The following NEK11 variants were observed in gnomAD, a reference collection of about 807,000 sequenced individuals.
The protein encoded by NEK11 is NIMA related kinase 11, also known as serine/threonine-protein kinase Nek11.
Under a neutral mutation model 80.7 loss-of-function variants are expected in NEK11, and 72 were observed. That is an observed-to-expected ratio of 0.89 (90% CI 0.74 to 1.08). NEK11 has a LOEUF of 1.08. Among genes scored for constraint, NEK11 ranks in the 50% least tolerant of loss-of-function variants. The pLI is 0.00. For synonymous variants in NEK11, 251 were observed against 260.7 expected (o/e 0.96, Z 0.36); for missense variants, 764 against 763.6 (o/e 1.00, Z -0.01).
At chr3:131,247,887 G>T (rs2095631370) in intron 16 of NEK11, among the ~76,000 whole-genome samples, 2 of 148,056 alleles carry the variant, frequency 1.4e-5, no homozygotes. Flanking sequence ...TTCTTGATTT[G>T]GTTCTTAATG....
At chr3:131,042,295 A>G (rs1297393133) in intron 3 of NEK11, among the ~76,000 whole-genome samples, 2 of 151,990 alleles carry the variant, frequency 1.3e-5, no homozygotes. Context: ...GGCTGAAGCC[A>G]GGGAGCCAAG....
chr3:131,249,913 G>T lies in NEK11; in HGVS notation c.1621+6417G>T, dbSNP rs545358907. ...AAATCTAACCAAAAAGAGAAATCAA[G>T]ACAAAAATATACAAAGAACTCAGGA... is the stretch of plus-strand genomic sequence containing the variant. On this transcript the variant is annotated intron_variant, in intron 16 of 17. Transcript: ENST00000383366. Among the ~76,000 whole-genome samples, 5 of 151,726 alleles carry T rather than the reference G, an allele frequency of 3.3e-5. No individual in the cohort carries two copies. In the East Asian group the frequency reaches 7.8e-4, roughly 24 times the overall value.
At chr3:131,215,246 G>T (rs2094783776) in intron 14 of NEK11, among the ~76,000 whole-genome samples, 1 of 145,728 alleles carries the variant, frequency 6.9e-6, no homozygotes, top group Non-Finnish European at 1.5e-5. Flanking sequence ...TCACAGGAAG[G>T]GGAACATCAC....
intron 14 of NEK11, among the ~76,000 whole-genome samples, chr3:131,224,929 T>A (rs941392463): frequency 5.9e-5 from 9 of 152,082 alleles, no homozygotes; most frequent in African/African-American, 2.2e-4. Flanking sequence ...TACAATAGAG[T>A]CAAGAAGTTT....
chr3:131,335,915 T>C lies in NEK11; in HGVS notation c.1719-13642T>C, dbSNP rs1471046896. ...ACCTAGGAATCCAACTTACAAGGGA[T>C]GTGAAGGACCTCTTCAAGGAGAACT... is the stretch of plus-strand genomic sequence containing the variant. On this transcript the variant is annotated intron_variant, in intron 17 of 17. Coordinates refer to ENST00000383366, the MANE Select transcript of NEK11 (RefSeq NM_024800.5). 3.5e-4 allele frequency among the ~76,000 whole-genome samples: 54 copies of C among 152,130 alleles called. 2 individuals carry two copies. The highest frequency in any genetic ancestry group is 3.4e-3 in the Middle Eastern group (1 of 294).
intron 5 of NEK11, among the ~76,000 whole-genome samples, chr3:131,115,907 TTTCTTTCTTTCTTTC>T (rs1230004555): frequency 8.9e-4 from 25 of 28,004 alleles, no homozygotes; most frequent in Non-Finnish European, 1.3e-3. Flanking sequence ...TAGTGTTTTC[TTTCTTTCTTTCTTTC>T]TTTCTTTCTT....
chr3:131,201,659 T>C (rs972165428), intron 14 of NEK11, among the ~76,000 whole-genome samples: 2 of 152,258 alleles, frequency 1.3e-5, no homozygotes, highest in East Asian at 1.9e-4. Context: ...TGAGAGTTTA[T>C]CATGAGTGGA....
intron 16 of NEK11, among the ~76,000 whole-genome samples, chr3:131,272,537 G>A (rs779117448): frequency 1.2e-4 from 16 of 135,844 alleles, no homozygotes; most frequent in Non-Finnish European, 2.1e-4. Flanking sequence ...GTGCCGTGGT[G>A]CGATCTGAGC....
chr3:131,336,798 G>C (rs2097192830), intron 17 of NEK11, among the ~76,000 whole-genome samples: 1 of 152,100 alleles, frequency 6.6e-6, no homozygotes, highest in Non-Finnish European at 1.5e-5. Context: ...TCAAAAAGTG[G>C]GTGAAGGACA....
chr3:131,214,695 A>G (rs200588892), intron 14 of NEK11, among the ~76,000 whole-genome samples: 13 of 147,664 alleles, frequency 8.8e-5, no homozygotes, highest in Admixed American at 2.7e-4. Flanking sequence ...ATGTGCGTGC[A>G]TGTGTGTGTG....
intron 4 of NEK11, among the ~76,000 whole-genome samples, chr3:131,082,358 A>G (rs1004883618): frequency 1.3e-5 from 2 of 152,252 alleles, no homozygotes; most frequent in Non-Finnish European, 2.9e-5. Flanking sequence ...CATACTGCTT[A>G]TAACTATTAC....
intron 4 of NEK11, among the ~76,000 whole-genome samples, chr3:131,086,139 T>C (rs1309651626): frequency 6.6e-6 from 1 of 152,208 alleles, no homozygotes; most frequent in Non-Finnish European, 1.5e-5. Context: ...TTTGATCACT[T>C]GGTTAAGGTT....
At chr3:131,162,626 A>G (rs960521189) in intron 11 of NEK11, 99 bp downstream of exon 11, 10 of 1,317,148 alleles carry the variant, frequency 7.6e-6, no homozygotes, top group Admixed American at 2.1e-5. Flanking sequence ...GGAAACCCCA[A>G]TGCATACGAT....
chr3:131,179,592 A>G (rs189147083), intron 14 of NEK11, among the ~76,000 whole-genome samples: 1 of 152,336 alleles, frequency 6.6e-6, no homozygotes, highest in Admixed American at 6.5e-5. Context: ...AATGTATTAT[A>G]AATAGAAATT....
At chr3:131,181,464 T>C (rs572181941) in intron 14 of NEK11, among the ~76,000 whole-genome samples, 1 of 152,180 alleles carries the variant, frequency 6.6e-6, no homozygotes, top group African/African-American at 2.4e-5. Context: ...AACTTTGTGT[T>C]GGCTGGGCGC....
chr3:131,132,798 T>C lies in NEK11; in HGVS notation c.509T>C (p.Leu170Pro), dbSNP rs1452346255. The C allele has an allele frequency of 2.7e-6, 4 of 1,483,828 alleles. No homozygotes were observed. The highest frequency in any genetic ancestry group is 3.7e-6 in the Non-Finnish European group (4 of 1,083,712). The allele number at this position is 1,483,828 out of a possible 1,614,324, so 91.9% of individuals were successfully genotyped here. A position where few individuals can be genotyped will look rare whatever the true frequency, so the allele number is the denominator to read the frequency against. Residue 170 changes from leucine (L) to proline (P), a missense_variant, in exon 6 of 18, where the codon CTC becomes CCC. Coordinates refer to ENST00000383366, the MANE Select transcript of NEK11 (RefSeq NM_024800.5). Reference protein sequence around the residue: ...KSKNVFLKNNLLKIGDFGVSR... With the variant: ...KSKNVFLKNNPLKIGDFGVSR... Reference sequence around the variant, plus strand: ...AAGAATGTATTTCTGAAAAATAATCTCCTTAAAATTGGTAAGATTTTAAAA... The same window carrying C: ...AAGAATGTATTTCTGAAAAATAATCCCCTTAAAATTGGTAAGATTTTAAAA...
chr3:131,112,961 AG>A (rs1274303075), intron 5 of NEK11, among the ~76,000 whole-genome samples: 1 of 152,232 alleles, frequency 6.6e-6, no homozygotes, highest in Non-Finnish European at 1.5e-5. Context: ...AGCTTGCTTC[AG>A]GAAGGTTAGA....
At chr3:131,082,877 T>C (rs1171975208) in intron 4 of NEK11, among the ~76,000 whole-genome samples, 1 of 152,222 alleles carries the variant, frequency 6.6e-6, no homozygotes, top group Non-Finnish European at 1.5e-5. Context: ...TGATGCTCCT[T>C]TGTCCTAAAT....
intron 4 of NEK11, among the ~76,000 whole-genome samples, chr3:131,090,332 G>A (rs2076544549): frequency 6.6e-6 from 1 of 152,182 alleles, no homozygotes; most frequent in African/African-American, 2.4e-5. Flanking sequence ...AACCTTAGAA[G>A]TTAACATCAA....
Sources: gnomAD v4.1 joint callset for allele counts (sites outside exome capture counted in the v4.1 genomes callset) on GRCh38, gnomAD v4.1.1 for gene constraint, MANE v1.5 for transcripts, NCBI Gene and HGNC (gene_info 2026-07-23, HGNC 2026-07-21) for gene names.